TRAPPC8: variants seen among roughly 807,000 people sequenced by gnomAD.
TRAPPC8 encodes general sporulation gene 1 homolog.
Under a neutral mutation model 174.3 loss-of-function variants are expected in TRAPPC8, and 54 were observed. The observed-to-expected ratio is 0.31, with a 90% CI of 0.25 to 0.39. TRAPPC8 has a LOEUF of 0.39. TRAPPC8 is among the 10% of genes least tolerant of loss of function. The pLI is 1.00. For synonymous variants in TRAPPC8, 630 were observed against 579.9 expected, an observed-to-expected ratio of 1.09 and a Z score of -1.24; for missense variants, 1,531 against 1,699.1, an observed-to-expected ratio of 0.90 and a Z score of 1.74.
chr18:31,835,548 T>C (rs1188712024), intron 27 of TRAPPC8, among the ~76,000 whole-genome samples: 1 of 152,166 alleles, frequency 6.6e-6, no homozygotes, highest in Non-Finnish European at 1.5e-5. Context: ...ATTAGACAAC[T>C]ATCCCTAACA....
intron 19 of TRAPPC8, among the ~76,000 whole-genome samples, chr18:31,862,792 T>C (rs532458838): frequency 6.6e-6 from 1 of 151,896 alleles, no homozygotes; most frequent in South Asian, 2.1e-4. Flanking sequence ...AACATCCAAT[T>C]AAAAGAGTTC....
chr18:31,867,109 A>T, intron 17 of TRAPPC8, 134 bp from the exon 18 acceptor site: 2 of 939,332 alleles, frequency 2.1e-6, no homozygotes, highest in Non-Finnish European at 3.1e-6. Flanking sequence ...TATGAAAAGC[A>T]TCTTCTTCAA....
chr18:31,837,635 T>C (rs1598582323), intron 27 of TRAPPC8, among the ~76,000 whole-genome samples: 1 of 151,940 alleles, frequency 6.6e-6, no homozygotes, highest in Admixed American at 6.6e-5. Flanking sequence ...GAGGCAGAGT[T>C]TGCAGTGAGC....
At chr18:31,904,795 T>G (rs1032250866) in intron 9 of TRAPPC8, among the ~76,000 whole-genome samples, 1 of 152,156 alleles carries the variant, frequency 6.6e-6, no homozygotes, top group African/African-American at 2.4e-5. Flanking sequence ...TTTGGGAGGC[T>G]GAGGCAGGCA....
chr18:31,868,689 ATTGT>A lies in TRAPPC8; in HGVS notation c.2389-1217_2389-1214del, dbSNP rs1341085956. ...TTATTTATTTATTTATTTATTTTTT[ATTGT>A]TTGTTTACTTGTTTTGTGGTTTTTT... On this transcript the variant is annotated intron_variant, in intron 16 of 28. Transcript: ENST00000283351. Among the ~76,000 whole-genome samples the A allele has an allele frequency of 7.9e-5, 12 of 151,972 alleles. No individual in the cohort carries two copies. In the South Asian group the frequency reaches 2.1e-3, roughly 26 times the overall value.
Position 31,878,721 on chromosome 18 carries a change from A to G in TRAPPC8, c.1729-4017T>C, listed in dbSNP as rs193077653. ...GACAAGATCCAAGCATATGCTATCT[A>G]CAAGAGACCTATCTTCTGTGTAACG... On this transcript the variant is annotated intron_variant, in intron 12 of 28. Coordinates refer to ENST00000283351, the MANE Select transcript of TRAPPC8 (RefSeq NM_014939.5). 4.6e-5 allele frequency among the ~76,000 whole-genome samples: 7 copies of G among 152,352 alleles called. No homozygotes were observed. In the East Asian group the frequency reaches 7.7e-4, roughly 17 times the overall value.
At chr18:31,879,911 C>T (rs566359468) in intron 12 of TRAPPC8, among the ~76,000 whole-genome samples, 37 of 147,126 alleles carry the variant, frequency 2.5e-4, no homozygotes, top group South Asian at 8.7e-4. Flanking sequence ...CAAGACTGAA[C>T]AAGGAAGAAA....
chr18:31,889,619 ATTTC>A (rs76649155), intron 12 of TRAPPC8, among the ~76,000 whole-genome samples: 21,031 of 144,198 alleles, frequency 0.15, 1,760 homozygotes, highest in South Asian at 0.3. Context: ...AGTAATAGTT[ATTTC>A]TTTAAGTTTT....
At chr18:31,928,352 C>G (rs1385813421) in intron 2 of TRAPPC8, among the ~76,000 whole-genome samples, 1 of 150,852 alleles carries the variant, frequency 6.6e-6, no homozygotes, top group Non-Finnish European at 1.5e-5. Flanking sequence ...CACACACACA[C>G]ACACACACAC....
intron 12 of TRAPPC8, among the ~76,000 whole-genome samples, chr18:31,884,228 T>C (rs1308177690): frequency 6.6e-6 from 1 of 152,164 alleles, no homozygotes; most frequent in African/African-American, 2.4e-5. Context: ...TCCAGAGCAT[T>C]AGCATATGGA....
chr18:31,923,764 T>A (rs62093872), intron 2 of TRAPPC8, among the ~76,000 whole-genome samples: 7 of 140,928 alleles, frequency 5.0e-5, no homozygotes, highest in African/African-American at 1.3e-4. Flanking sequence ...AAAAAAAAAC[T>A]GTTTTCTTCT....
intron 2 of TRAPPC8, among the ~76,000 whole-genome samples, chr18:31,929,725 T>C (rs1335892937): frequency 1.3e-5 from 2 of 152,170 alleles, no homozygotes; most frequent in East Asian, 3.8e-4. Context: ...GGTTATCTAA[T>C]TAACTAATGA....
chr18:31,868,493 C>T lies in TRAPPC8; in HGVS notation c.2389-1017G>A, dbSNP rs193208558. 4.3e-3 allele frequency among the ~76,000 whole-genome samples: 657 copies of T among 152,164 alleles called. 7 individuals carry two copies. Among genetic ancestry groups the T allele is most frequent in the South Asian group, 0.031 (150 of 4,826 alleles). On this transcript the variant is annotated intron_variant, in intron 16 of 28. Transcript: ENST00000283351. ...AAAGCTAATAAATCTTTTTAAAAAA[C>T]GTTTCCAAGTTTAACCGCTCATACT...
rs1458068472 is a variant in TRAPPC8 at position 31,908,372 on chromosome 18, T to C, written c.1169A>G (p.Lys390Arg). 2 of 1,606,270 alleles carry C rather than the reference T, an allele frequency of 1.2e-6. No homozygotes were observed. The highest frequency in any genetic ancestry group is 1.7e-6 in the Non-Finnish European group (2 of 1,176,564). ...GLSRSLFSAT[K>R]KWFSGSKVPE... ...AACTTTACTGCCACTAAACCATTTT[T>C]TAGTTGCAGAAAATAGAGATCGACT... The change falls in exon 8 of 29, where the codon AAA (lysine) becomes AGA (arginine). Residue 390 changes from lysine (K) to arginine (R), a missense_variant. Physicochemically the swap from Lys to Arg is conservative, Grantham distance 26 (BLOSUM62 2). Coordinates refer to ENST00000283351, the MANE Select transcript of TRAPPC8 (RefSeq NM_014939.5).
chr18:31,911,789 T>C (rs1189215071), intron 5 of TRAPPC8, among the ~76,000 whole-genome samples: 1 of 144,662 alleles, frequency 6.9e-6, no homozygotes. Context: ...AAGAATTTCT[T>C]CTAGGCCGGC....
intron 11 of TRAPPC8, chr18:31,896,120 T>A (rs1322818051): frequency 6.6e-6 from 1 of 152,166 alleles, no homozygotes; most frequent in Non-Finnish European, 1.5e-5. Flanking sequence ...CAGCATTGTA[T>A]GAGAGAGAAG....
At chr18:31,846,911 C>T in intron 25 of TRAPPC8, 94 bp from the exon 26 acceptor site, 1 of 733,642 alleles carries the variant, frequency 1.4e-6, no homozygotes, top group Non-Finnish European at 2.2e-6. Flanking sequence ...AATAATATGG[C>T]CAATATCTAT....
chr18:31,836,124 C>T (rs1208703741), intron 27 of TRAPPC8, among the ~76,000 whole-genome samples: 1 of 152,164 alleles, frequency 6.6e-6, no homozygotes, highest in African/African-American at 2.4e-5. Context: ...TAGAGATGGA[C>T]ATGGGTATGA....
chr18:31,905,490 C>T (rs1330787738), intron 9 of TRAPPC8, among the ~76,000 whole-genome samples: 1 of 152,136 alleles, frequency 6.6e-6, no homozygotes, highest in African/African-American at 2.4e-5. Context: ...TTCATGGCAG[C>T]TCCATCGGTT....
Sources: gnomAD v4.1 joint callset for allele counts (sites outside exome capture counted in the v4.1 genomes callset) on GRCh38, gnomAD v4.1.1 for gene constraint, MANE v1.5 for transcripts, NCBI Gene and HGNC (gene_info 2026-07-23, HGNC 2026-07-21) for gene names.